The following FAT3 variants were observed in gnomAD, a reference collection of about 807,000 sequenced individuals.
The protein encoded by FAT3 is FAT atypical cadherin 3.
A neutral mutation model predicts 310.2 loss-of-function variants in FAT3; 95 were observed. The ratio of observed to expected loss-of-function variants is 0.31; its 90% CI spans 0.26 to 0.36. The LOEUF (loss-of-function observed/expected upper bound fraction) is 0.36, where lower values mean the gene tolerates loss of function less well. FAT3 is among the 10% of genes least tolerant of loss of function. The pLI is 1.00. For missense variants in FAT3, 5,408 were observed against 5,715.6 expected, an observed-to-expected ratio of 0.95 and a Z score of 1.74; for synonymous variants, 2,314 against 2,192.9, an observed-to-expected ratio of 1.06 and a Z score of -1.54.
intron 1 of FAT3, among the ~76,000 whole-genome samples, chr11:92,235,380 C>T (rs1864375727): frequency 6.6e-6 from 1 of 152,172 alleles, no homozygotes; most frequent in African/African-American, 2.4e-5. Context: ...TATCTCTGCA[C>T]TCAGGTCCCC....
At chr11:92,827,860 G>A (rs1041749325) in intron 13 of FAT3, among the ~76,000 whole-genome samples, 5 of 152,110 alleles carry the variant, frequency 3.3e-5, no homozygotes, top group Non-Finnish European at 5.9e-5. Context: ...TTCTCTGAAG[G>A]CCTGTCTGCT....
chr11:92,256,869 C>T (rs938100465), intron 1 of FAT3, among the ~76,000 whole-genome samples: 1 of 152,056 alleles, frequency 6.6e-6, no homozygotes, highest in Non-Finnish European at 1.5e-5. Flanking sequence ...TCCAGATCTT[C>T]CCTAATCCCA....
intron 2 of FAT3, among the ~76,000 whole-genome samples, chr11:92,359,080 A>G (rs1948809975): frequency 6.6e-6 from 1 of 152,120 alleles, no homozygotes; most frequent in African/African-American, 2.4e-5. Context: ...CAAATTCCCA[A>G]TTATCGTCAT....
chr11:92,781,999 G>A (rs1394938954), intron 7 of FAT3, among the ~76,000 whole-genome samples: 4 of 152,090 alleles, frequency 2.6e-5, no homozygotes, highest in Non-Finnish European at 5.9e-5. Flanking sequence ...TCTTATTCAA[G>A]TAATCCTTTA....
chr11:92,679,287 A>G (rs1375302001), intron 3 of FAT3, among the ~76,000 whole-genome samples: 1 of 151,114 alleles, frequency 6.6e-6, no homozygotes, highest in South Asian at 2.1e-4. Flanking sequence ...TGGTTTATTT[A>G]TTTATTTATT....
rs373120197 is a variant in FAT3, at chr11:92,353,590, C to G, written c.1478C>G (p.Thr493Arg). 16 of 1,613,680 alleles carry G rather than the reference C, an allele frequency of 9.9e-6. No individual in the cohort carries two copies. The highest frequency in any genetic ancestry group is 1.7e-5 in the Admixed American group (1 of 59,900). The part of the protein sequence containing the change: ...ESVPVGTSVL[T>R]VSASDKDKGE... ...GTCCCAGTGGGAACCAGCGTTCTAACAGTTTCAGCTTCTGATAAGGATAAA... is the reference window on the plus strand; with the variant it reads ...GTCCCAGTGGGAACCAGCGTTCTAAGAGTTTCAGCTTCTGATAAGGATAAA... Residue 493 changes from threonine to arginine, a missense_variant, in exon 2 of 28, where the codon ACA becomes AGA. Around this residue, in one of 5 missense-constraint regions of FAT3, gnomAD observed 4,588 missense variants for 4,809.8 expected, o/e 0.95. Transcript: ENST00000525166.
At chr11:92,361,394 C>T (rs1235932447) in intron 2 of FAT3, among the ~76,000 whole-genome samples, 2 of 145,574 alleles carry the variant, frequency 1.4e-5, no homozygotes, top group Non-Finnish European at 3.0e-5. Flanking sequence ...CATGTTAGAA[C>T]CTAATAACAA....
chr11:92,481,065 TGA>T (rs755366016), intron 2 of FAT3, among the ~76,000 whole-genome samples: 9 of 152,330 alleles, frequency 5.9e-5, no homozygotes, highest in Non-Finnish European at 1.0e-4. Context: ...GAAACTGAAC[TGA>T]TGGTCAGGAA....
At chr11:92,542,973 A>G (rs908968261) in intron 3 of FAT3, among the ~76,000 whole-genome samples, 1 of 152,094 alleles carries the variant, frequency 6.6e-6, no homozygotes, top group South Asian at 2.1e-4. Flanking sequence ...GTGTGTATAC[A>G]AAAAGGAATA....
Position 92,353,400 on chromosome 11 carries a change from G to A in FAT3, c.1288G>A (p.Val430Ile), listed in dbSNP as rs987094594. Residue 430 changes from valine (V) to isoleucine (I), a missense_variant, in exon 2 of 28, where the codon GTT becomes ATT. Physicochemically the swap from Val to Ile is conservative, Grantham distance 29. This residue lies in a region of FAT3 where 4,588 missense variants were observed against 4,809.8 expected (regional missense o/e 0.95). Coordinates refer to ENST00000525166, the MANE Select transcript of FAT3 (RefSeq NM_001367949.2). ...FKINPRSGLI[V>I]TARPLNTVKK... is the part of the protein sequence containing the mutation. ...AATTAATCCTCGGTCGGGTCTGATT[G>A]TTACAGCACGGCCACTGAATACTGT... 1.2e-6 allele frequency: 2 copies of A among 1,613,352 alleles called. No individual in the cohort carries two copies. The highest frequency in any genetic ancestry group is 3.3e-5 in the Admixed American group (2 of 59,838).
intron 2 of FAT3, among the ~76,000 whole-genome samples, chr11:92,523,745 G>T (rs1186306594): frequency 6.6e-6 from 1 of 152,208 alleles, no homozygotes; most frequent in East Asian, 1.9e-4. Context: ...CCATCACGAT[G>T]GGCTCATGAT....
chr11:92,825,136 C>A (rs1948070525), intron 13 of FAT3, among the ~76,000 whole-genome samples: 1 of 152,270 alleles, frequency 6.6e-6, no homozygotes, highest in South Asian at 2.1e-4. Flanking sequence ...TTATTTAATT[C>A]TTTCAGCACA....
intron 14 of FAT3, among the ~76,000 whole-genome samples, chr11:92,832,869 C>T (rs1948304026): frequency 6.6e-6 from 1 of 152,132 alleles, no homozygotes; most frequent in South Asian, 2.1e-4. Context: ...CAACCCAGCA[C>T]CCCAAGTAGA....
intron 3 of FAT3, among the ~76,000 whole-genome samples, chr11:92,551,177 A>G (rs1490056721): frequency 6.6e-6 from 1 of 152,046 alleles, no homozygotes; most frequent in Non-Finnish European, 1.5e-5. Flanking sequence ...AAATACCTCA[A>G]TTACAGCAGG....
chr11:92,433,776 C>T (rs981523669), intron 2 of FAT3, among the ~76,000 whole-genome samples: 2 of 151,518 alleles, frequency 1.3e-5, no homozygotes, highest in Admixed American at 1.3e-4. Context: ...TTTGGGAGGC[C>T]GAGGCAGGTG....
intron 1 of FAT3, among the ~76,000 whole-genome samples, chr11:92,305,110 C>T (rs1947087782): frequency 6.6e-6 from 1 of 152,092 alleles, no homozygotes; most frequent in Non-Finnish European, 1.5e-5. Flanking sequence ...TTTGCTTCTG[C>T]CCTCCCCTTT....
intron 1 of FAT3, among the ~76,000 whole-genome samples, chr11:92,268,494 G>C (rs564431439): frequency 6.6e-6 from 1 of 150,982 alleles, no homozygotes; most frequent in South Asian, 2.1e-4. Context: ...ATTTTTAAAA[G>C]ATAAAAATAA....
chr11:92,553,269 T>C (rs1954884285), intron 3 of FAT3, among the ~76,000 whole-genome samples: 1 of 152,236 alleles, frequency 6.6e-6, no homozygotes, highest in Admixed American at 6.5e-5. Flanking sequence ...TAAGATATTT[T>C]CTATCTTTTC....
intron 2 of FAT3, among the ~76,000 whole-genome samples, chr11:92,427,099 G>C (rs1950651989): frequency 6.6e-6 from 1 of 152,096 alleles, no homozygotes. Context: ...CTCATCCCTT[G>C]TAAGTTGTAT....
Sources: gnomAD v4.1 joint callset for allele counts (sites outside exome capture counted in the v4.1 genomes callset) on GRCh38, gnomAD v4.1.1 for gene constraint, gnomAD v4.1.1 regional missense constraint, MANE v1.5 for transcripts, NCBI Gene and HGNC (gene_info 2026-07-23, HGNC 2026-07-21) for gene names.